Variants in PATJ observed in about 807,000 individuals in gnomAD.
PATJ encodes the protein PATJ crumbs cell polarity complex component.
In PATJ, 190 loss-of-function variants were observed where a neutral mutation model predicts 224.9. The observed-to-expected ratio is 0.84, with a 90% confidence interval of 0.75 to 0.95. PATJ has a LOEUF of 0.95. Among genes scored for constraint, PATJ ranks in the 40% least tolerant of loss-of-function variants. The pLI is 0.00. For synonymous variants in PATJ, 769 were observed against 820.3 expected (o/e 0.94, Z 1.07); for missense variants, 2,121 against 2,270.3 (o/e 0.93, Z 1.34).
chr1:61,931,940 T>C (rs1022435173), intron 27 of PATJ, among the ~76,000 whole-genome samples: 2 of 152,192 alleles, frequency 1.3e-5, no homozygotes, highest in African/African-American at 4.8e-5. Flanking sequence ...AAAAGTTTCA[T>C]GAAATATTAC....
At chr1:61,919,451 G>A (rs1016882360) in intron 26 of PATJ, among the ~76,000 whole-genome samples, 3 of 151,208 alleles carry the variant, frequency 2.0e-5, no homozygotes, top group East Asian at 3.9e-4. Flanking sequence ...CCACTGACGC[G>A]CACCACCACG....
intron 43 of PATJ, among the ~76,000 whole-genome samples, chr1:62,160,489 A>G (rs1374804191): frequency 2.0e-5 from 3 of 152,224 alleles, no homozygotes; most frequent in Admixed American, 6.5e-5. Context: ...TAGCTTAATA[A>G]TGCAATGGGA....
intron 35 of PATJ, among the ~76,000 whole-genome samples, chr1:62,116,277 T>C (rs1489559067): frequency 6.6e-6 from 1 of 152,208 alleles, no homozygotes; most frequent in African/African-American, 2.4e-5. Flanking sequence ...AGAATGGAAA[T>C]AACCTGTATG....
chr1:62,131,738 G>T (rs1398515808), intron 41 of PATJ, among the ~76,000 whole-genome samples: 1 of 152,112 alleles, frequency 6.6e-6, no homozygotes, highest in Admixed American at 6.6e-5. Flanking sequence ...AGTGAGCTAT[G>T]ATTATAGCAC....
chr1:62,127,968 T>C lies in PATJ; in HGVS notation c.5044-4T>C. On this transcript the variant is annotated splice_polypyrimidine_tract_variant and splice_region_variant and intron_variant, in intron 39 of 43. Transcript: ENST00000642238. ...AAAAGCATTATGTTTTCTTCCTTTT[T>C]TAGGAGCTCAGTGATGCCCTTGGAA... 1.2e-6 allele frequency: 2 copies of C among 1,613,950 alleles called. No homozygotes were observed. Among genetic ancestry groups the C allele is most frequent in the South Asian group, 2.2e-5 (2 of 91,072 alleles).
At position 61,761,491 on chromosome 1, in the gene PATJ, G is replaced by A. The variant is rs1381347730; in HGVS notation, c.-35-1367G>A. Among the ~76,000 whole-genome samples, 3 of 152,070 alleles carry A rather than the reference G, an allele frequency of 2.0e-5. No individual in the cohort carries two copies. The East Asian group carries it at 5.8e-4, about 29-fold the overall frequency. On this transcript the variant is annotated intron_variant, in intron 1 of 43. Coordinates refer to ENST00000642238, the MANE Select transcript of PATJ (RefSeq NM_001350145.3). The stretch of plus-strand genomic sequence containing the variant: ...TAAACTTGTTTAATATAAGTTTTAT[G>A]TGACATGGGAGCCTTCATAAGGAAA...
chr1:61,880,209 C>T (rs540488542), intron 21 of PATJ, among the ~76,000 whole-genome samples: 2 of 152,304 alleles, frequency 1.3e-5, no homozygotes, highest in South Asian at 2.1e-4. Context: ...ATGCTGTGTT[C>T]ATTCTGTATC....
At chr1:61,930,086 A>G (rs1675797568) in intron 27 of PATJ, among the ~76,000 whole-genome samples, 1 of 152,166 alleles carries the variant, frequency 6.6e-6, no homozygotes, top group African/African-American at 2.4e-5. Flanking sequence ...TACATTTCAC[A>G]GATTCTCCAG....
chr1:61,858,812 T>C (rs569143728), intron 18 of PATJ, among the ~76,000 whole-genome samples: 1 of 152,348 alleles, frequency 6.6e-6, no homozygotes, highest in South Asian at 2.1e-4. Context: ...AAAGGTGGTC[T>C]TCATGTATTA....
chr1:61,865,730 G>A (rs1355879148), intron 20 of PATJ: 1 of 152,088 alleles, frequency 6.6e-6, no homozygotes, highest in East Asian at 1.9e-4. Context: ...CTTACTGTAT[G>A]GGGACATTTT....
intron 27 of PATJ, among the ~76,000 whole-genome samples, chr1:61,966,244 G>A (rs1682121414): frequency 6.6e-6 from 1 of 152,142 alleles, no homozygotes; most frequent in South Asian, 2.1e-4. Context: ...GTACCAGGTA[G>A]CTTGGATTTT....
chr1:61,780,531 A>T (rs1647191776), intron 7 of PATJ, among the ~76,000 whole-genome samples: 1 of 152,154 alleles, frequency 6.6e-6, no homozygotes, highest in Admixed American at 6.6e-5. Context: ...AAGGATTCTT[A>T]AAAAAAATTT....
rs562855922 is a variant in PATJ at position 62,022,857 on chromosome 1, C to G, written c.3959+4910C>G. ...CTGTATCGATTGAACATATGTCTTC[C>G]TTTTGTAATTAAAAATATAGTGTGG... On this transcript the variant is annotated intron_variant, in intron 29 of 43. Coordinates refer to ENST00000642238, the MANE Select transcript of PATJ (RefSeq NM_001350145.3). 1.4e-4 allele frequency among the ~76,000 whole-genome samples: 21 copies of G among 152,292 alleles called. No homozygotes were observed. In the South Asian group the frequency reaches 4.4e-3, roughly 32 times the overall value.
At chr1:62,121,980 T>C (rs72641122) in intron 38 of PATJ, among the ~76,000 whole-genome samples, 26,129 of 151,820 alleles carry the variant, frequency 0.17, 3,706 homozygotes, top group East Asian at 0.73. Flanking sequence ...GTGTATATCC[T>C]TGGGGGCAGG....
At chr1:62,156,391 G>A (rs950894164) in intron 43 of PATJ, among the ~76,000 whole-genome samples, 1 of 150,564 alleles carries the variant, frequency 6.6e-6, no homozygotes, top group Admixed American at 6.6e-5. Flanking sequence ...TTAGCCATTC[G>A]TAATGACAGG....
intron 7 of PATJ, among the ~76,000 whole-genome samples, chr1:61,782,062 G>A (rs1647460771): frequency 6.6e-6 from 1 of 152,128 alleles, no homozygotes; most frequent in Non-Finnish European, 1.5e-5. Context: ...TAGACTTGCA[G>A]AAGAATGCAG....
intron 17 of PATJ, among the ~76,000 whole-genome samples, chr1:61,853,714 C>T (rs142574806): frequency 1.3e-5 from 2 of 152,326 alleles, no homozygotes; most frequent in East Asian, 1.9e-4. Context: ...ATTACCACGT[C>T]GATTGCCTGC....
chr1:62,157,187 A>G (rs1669313754), intron 43 of PATJ, among the ~76,000 whole-genome samples: 2 of 149,652 alleles, frequency 1.3e-5, no homozygotes, highest in Non-Finnish European at 3.0e-5. Flanking sequence ...AGCTGGGCAT[A>G]GTGGCAGGTG....
Position 61,870,849 on chromosome 1 carries a change from G to C in PATJ, c.2836-4394G>C, listed in dbSNP as rs369454671. On this transcript the variant is annotated intron_variant, in intron 20 of 43. Transcript: ENST00000642238. Reference sequence around the variant, plus strand: ...ACCAGTTTATATTTCCATTAGCAAAGCACAAGGTTTCAAATTTCTCCACAG... The same window carrying C: ...ACCAGTTTATATTTCCATTAGCAAACCACAAGGTTTCAAATTTCTCCACAG... Among the ~76,000 whole-genome samples, 37 of 152,248 alleles carry C rather than the reference G, an allele frequency of 2.4e-4. 1 individual carries two copies. The South Asian group carries it at 2.9e-3, about 12-fold the overall frequency.
Sources: gnomAD v4.1 joint callset for allele counts (sites outside exome capture counted in the v4.1 genomes callset) on GRCh38, gnomAD v4.1.1 for gene constraint, MANE v1.5 for transcripts, NCBI Gene and HGNC (gene_info 2026-07-23, HGNC 2026-07-21) for gene names.